Variants in CD8A observed in about 807,000 individuals in gnomAD.
CD8A encodes T-cell surface glycoprotein CD8 alpha chain.
A neutral mutation model predicts 24.2 loss-of-function variants in CD8A; 25 were observed. That is an observed-to-expected ratio of 1.03 (90% CI 0.75 to 1.44). The LOEUF (loss-of-function observed/expected upper bound fraction) is 1.44, where lower values mean the gene tolerates loss of function less well. Among genes scored for constraint, CD8A ranks in the 40% most tolerant of loss-of-function variants. The probability of loss-of-function intolerance (pLI) is 0.00; values close to 1 mark genes in which losing one functional copy is unlikely to be tolerated. For synonymous variants in CD8A, 165 were observed against 149.9 expected (o/e 1.10, Z -0.74); for missense variants, 360 against 319.7 (o/e 1.13, Z -0.96).
chr2:86,791,393 C>T (rs780221734), upstream of CD8A: 10 of 399,790 alleles, frequency 2.5e-5, no homozygotes, highest in Non-Finnish European at 5.0e-5. Context: ...GAGGAAGGAC[C>T]CTCTCCCTTC....
intron 3 of CD8A, among the ~76,000 whole-genome samples, chr2:86,800,284 C>T (rs1309705456): frequency 2.0e-5 from 3 of 151,296 alleles, no homozygotes; most frequent in Non-Finnish European, 4.4e-5. Context: ...ATGGTGAAAC[C>T]CCGTCTCTAC....
chr2:86,796,593 G>A (rs1039229560), intron 3 of CD8A, among the ~76,000 whole-genome samples: 2 of 152,154 alleles, frequency 1.3e-5, no homozygotes, highest in African/African-American at 4.8e-5. Flanking sequence ...CCCTCCCTTG[G>A]TGCTGACACA....
chr2:86,797,749 C>A (rs899630452), intron 3 of CD8A, among the ~76,000 whole-genome samples: 1 of 144,970 alleles, frequency 6.9e-6, no homozygotes, highest in African/African-American at 2.5e-5. Context: ...TATAAAATGC[C>A]CACTCTTTAT....
upstream of CD8A, among the ~76,000 whole-genome samples, chr2:86,793,851 A>G (rs575977780): frequency 6.6e-6 from 1 of 152,352 alleles, no homozygotes; most frequent in East Asian, 1.9e-4. Context: ...CCTGCAGCTC[A>G]GAAAAGTGTC....
exon 2 of CD8A, chr2:86,807,640 T>C (rs1227505212): frequency 6.6e-6 from 1 of 152,552 alleles, no homozygotes; most frequent in Non-Finnish European, 1.5e-5. Context: ...GAACACGTGA[T>C]GCCACGATGG....
intron 5 of CD8A, 89 bp from the exon 6 acceptor site, chr2:86,786,060 C>T: frequency 9.5e-7 from 1 of 1,051,136 alleles, no homozygotes; most frequent in East Asian, 2.4e-5. Context: ...AATCCCCCAG[C>T]CTTTGAAAGG....
At position 86,785,882 on chromosome 2, in the gene CD8A, A is replaced by T. The variant is rs1440462400; in HGVS notation, c.*38T>A. ...AGGACTTGCTCCCTCAAAAGGAAGG[A>T]TCTCAGTTTGAAGTAATGTAGTGGC... On this transcript the variant is annotated 3_prime_UTR_variant, in exon 6 of 6. Transcript: ENST00000283635. 6 of 1,470,694 alleles carry T rather than the reference A, an allele frequency of 4.1e-6. No individual in the cohort carries two copies. Among genetic ancestry groups the T allele is most frequent in the Non-Finnish European group, 5.7e-6 (6 of 1,048,754 alleles). 91.1% of individuals were successfully genotyped at this position (1,470,694 alleles called of 1,614,324 possible).
chr2:86,788,279 A>G (rs1186591067), intron 5 of CD8A, among the ~76,000 whole-genome samples: 3 of 145,080 alleles, frequency 2.1e-5, no homozygotes, highest in Admixed American at 7.0e-5. Context: ...TGCCAGGTCA[A>G]ATAAGATGGA....
upstream of CD8A, among the ~76,000 whole-genome samples, chr2:86,795,632 C>T (rs973246156): frequency 6.6e-6 from 1 of 152,162 alleles, no homozygotes; most frequent in Non-Finnish European, 1.5e-5. Context: ...GTAGAGGCAC[C>T]AAGAGTTTGA....
At chr2:86,806,494 C>T (rs1288005368) in intron 2 of CD8A, among the ~76,000 whole-genome samples, 1 of 152,258 alleles carries the variant, frequency 6.6e-6, no homozygotes, top group East Asian at 1.9e-4. Flanking sequence ...TGGGGACAGA[C>T]TGAAGAGGAT....
rs34388912 is a variant in CD8A at position 86,787,898 on chromosome 2, A to AGT, written c.656+630_656+631dup. On this transcript the variant is annotated intron_variant, in intron 5 of 5. Coordinates refer to ENST00000283635, the MANE Select transcript of CD8A (RefSeq NM_001768.7). ...TTAACAGAGAGGGAGAGAGAGAGAG[A>AGT]GTGTGTGTGTGTGTGTGTGTGTGTG... Among the ~76,000 whole-genome samples, 1,440 of 144,564 alleles carry AGT rather than the reference A, an allele frequency of 1.0e-2. 13 individuals carry two copies. The highest frequency in any genetic ancestry group is 0.035 in the Middle Eastern group (10 of 282). 94.8% of individuals were successfully genotyped at this position (144,564 alleles called of 152,430 possible).
At position 86,785,206 on chromosome 2, in the gene CD8A, G is replaced by A. The variant is rs1301201200; in HGVS notation, c.*714C>T. On this transcript the variant is annotated 3_prime_UTR_variant, in exon 6 of 6. Coordinates refer to ENST00000283635, the MANE Select transcript of CD8A (RefSeq NM_001768.7). ...ACAGAGATTTTCTTTAGAGATAGAG[G>A]GATTCATTTTCCAGGGTTAAGCTCA... 1.3e-5 allele frequency: 6 copies of A among 453,526 alleles called. No individual in the cohort carries two copies. The highest frequency in any genetic ancestry group is 2.6e-5 in the Non-Finnish European group (6 of 226,722). The allele number at this position is 453,526 out of a possible 1,614,324, so 28.1% of individuals were successfully genotyped here.
rs745779796 is a variant in CD8A at position 86,789,773 on chromosome 2, T to C, written c.404-23A>G. The C allele has an allele frequency of 1.7e-5, 22 of 1,316,236 alleles. No individual in the cohort carries two copies. The South Asian group carries it at 4.1e-4, about 24-fold the overall frequency. The allele number at this position is 1,316,236 out of a possible 1,614,324, so 81.5% of individuals were successfully genotyped here. A position where few individuals can be genotyped will look rare whatever the true frequency, so the allele number is the denominator to read the frequency against. The stretch of plus-strand genomic sequence containing the variant: ...TCGCTGCAAGAGCAACAGAGCGTGG[T>C]TGGGGGCCAGGCTGGGGTTATGGAG... On this transcript the variant is annotated intron_variant, in intron 2 of 5. Coordinates refer to ENST00000283635, the MANE Select transcript of CD8A (RefSeq NM_001768.7).
intron 5 of CD8A, among the ~76,000 whole-genome samples, chr2:86,788,061 A>G (rs1425444556): frequency 6.6e-6 from 1 of 152,086 alleles, no homozygotes; most frequent in Non-Finnish European, 1.5e-5. Context: ...AGAAGTTAGC[A>G]ACCAAAGCCA....
At chr2:86,791,076 C>T (rs1440951471), upstream of CD8A, 2 of 697,250 alleles carry the variant, frequency 2.9e-6, no homozygotes, top group Non-Finnish European at 5.2e-6. Context: ...CCTGGCCAGG[C>T]AACTGGGGGC....
intron 4 of CD8A, 144 bp from the exon 5 acceptor site, chr2:86,788,704 A>T: frequency 1.3e-6 from 1 of 752,086 alleles, no homozygotes; most frequent in South Asian, 1.5e-5. Flanking sequence ...CATGGGCTGA[A>T]ATTGGATGAG....
chr2:86,787,081 CTTT>C (rs759881985), intron 5 of CD8A, among the ~76,000 whole-genome samples: 3 of 91,894 alleles, frequency 3.3e-5, no homozygotes, highest in African/African-American at 8.4e-5. Context: ...TCCCCCCCCA[CTTT>C]TTTTTTTTTT....
rs776230766 is a variant in CD8A at position 86,790,668 on chromosome 2, C to A, written c.63G>T (p.Pro21=). Residue 21 remains proline, a synonymous_variant, in exon 2 of 6, where the codon CCG becomes CCT. Coordinates refer to ENST00000283635, the MANE Select transcript of CD8A (RefSeq NM_001768.7). ...CCAGCGGCGACACCCGGAACTGGCT[C>A]GGCCTGGCGGCGTCTGCAGGCGGCA... ...PLALLLHAAR[P]SQFRVSPLDR... The A allele has an allele frequency of 4.9e-5, 78 of 1,597,748 alleles. No homozygotes were observed. The highest frequency in any genetic ancestry group is 6.0e-5 in the Non-Finnish European group (71 of 1,178,574).
intron 5 of CD8A, among the ~76,000 whole-genome samples, chr2:86,787,842 G>A (rs536205359): frequency 1.3e-5 from 2 of 152,044 alleles, no homozygotes; most frequent in East Asian, 3.9e-4. Flanking sequence ...CTACCACAGG[G>A]ATGCCTCAGC....
Sources: allele counts gnomAD v4.1 joint callset (sites outside exome capture counted in the v4.1 genomes callset), GRCh38; gene constraint gnomAD v4.1.1; transcripts MANE v1.5; gene names NCBI Gene and HGNC (gene_info 2026-07-23, HGNC 2026-07-21).